Variants in HCN1 observed in about 807,000 individuals in gnomAD.
The protein encoded by HCN1 is potassium/sodium hyperpolarization-activated cyclic nucleotide-gated channel 1.
HCN1 carries 13 observed loss-of-function variants against 78.9 expected under a neutral mutation model. That is an observed-to-expected ratio of 0.16 (90% CI 0.11 to 0.26). The LOEUF is 0.26. Among genes scored for constraint, HCN1 ranks in the 10% least tolerant of loss-of-function variants. The probability of loss-of-function intolerance (pLI) is 1.00; values close to 1 mark genes in which losing one functional copy is unlikely to be tolerated. For missense variants in HCN1, 810 were observed against 1,154.3 expected (o/e 0.70, Z 4.32); for synonymous variants, 552 against 455.5 (o/e 1.21, Z -2.70).
intron 2 of HCN1, among the ~76,000 whole-genome samples, chr5:45,586,481 C>G (rs1404753571): frequency 6.6e-6 from 1 of 152,090 alleles, no homozygotes; most frequent in Non-Finnish European, 1.5e-5. Context: ...CCGGGTGAGG[C>G]GATGCCTCAC....
intron 2 of HCN1, among the ~76,000 whole-genome samples, chr5:45,586,553 C>T (rs1744232219): frequency 1.3e-5 from 2 of 152,108 alleles, no homozygotes; most frequent in Admixed American, 1.3e-4. Context: ...TCTGACACTC[C>T]CCAGTAAGAT....
chr5:45,345,257 C>T (rs562281441), intron 5 of HCN1, among the ~76,000 whole-genome samples: 1 of 152,292 alleles, frequency 6.6e-6, no homozygotes, highest in East Asian at 1.9e-4. Flanking sequence ...GGGCCCAGCT[C>T]ATGAAACTAT....
At position 45,538,771 on chromosome 5, in the gene HCN1, A is replaced by T. The variant is rs144955802; in HGVS notation, c.850-76764T>A. Among the ~76,000 whole-genome samples, 733 of 152,128 alleles carry T rather than the reference A, an allele frequency of 4.8e-3. 7 individuals carry two copies. The highest frequency in any genetic ancestry group is 0.017 in the African/African-American group (707 of 41,500). On this transcript the variant is annotated intron_variant, in intron 2 of 7. Transcript: ENST00000303230. ...ATAGAAAACACACACACACAAATTT[A>T]AAAAAAAGATTTCTTGTAGCAAGTG...
chr5:45,510,726 A>T (rs1742397834), intron 2 of HCN1, among the ~76,000 whole-genome samples: 2 of 152,132 alleles, frequency 1.3e-5, no homozygotes, highest in Admixed American at 1.3e-4. Flanking sequence ...TTCTGCCATC[A>T]TGTCCACATT....
At chr5:45,367,776 G>T (rs547951402) in intron 4 of HCN1, among the ~76,000 whole-genome samples, 2 of 151,804 alleles carry the variant, frequency 1.3e-5, no homozygotes, top group South Asian at 4.1e-4. Flanking sequence ...ATTAAAATTA[G>T]AACCATTCAT....
At chr5:45,579,084 ATC>A (rs1229767065) in intron 2 of HCN1, among the ~76,000 whole-genome samples, 1 of 152,102 alleles carries the variant, frequency 6.6e-6, no homozygotes, top group African/African-American at 2.4e-5. Flanking sequence ...ACATATAAGT[ATC>A]TGTTTATAAA....
At chr5:45,688,982 G>T (rs575608620) in intron 1 of HCN1, among the ~76,000 whole-genome samples, 1 of 152,020 alleles carries the variant, frequency 6.6e-6, no homozygotes, top group South Asian at 2.1e-4. Context: ...AAGGCTGAGC[G>T]GGAGGGCGGG....
chr5:45,450,587 C>T (rs1368562185), intron 3 of HCN1, among the ~76,000 whole-genome samples: 1 of 151,894 alleles, frequency 6.6e-6, no homozygotes, highest in Admixed American at 6.6e-5. Flanking sequence ...GAACAGATAC[C>T]ACAAAACTGC....
chr5:45,371,950 A>G (rs1206673854), intron 4 of HCN1, among the ~76,000 whole-genome samples: 1 of 99,024 alleles, frequency 1.0e-5, no homozygotes, highest in Non-Finnish European at 1.9e-5. Context: ...AATATATAAT[A>G]TAATATAATT....
At chr5:45,417,451 ATG>A (rs1221714292) in intron 3 of HCN1, among the ~76,000 whole-genome samples, 1 of 151,954 alleles carries the variant, frequency 6.6e-6, no homozygotes, top group African/African-American at 2.4e-5. Flanking sequence ...TGACCTTTAA[ATG>A]CTGTTTTGTC....
chr5:45,393,634 T>TA (rs1416163391), intron 4 of HCN1, among the ~76,000 whole-genome samples: 1 of 152,286 alleles, frequency 6.6e-6, no homozygotes, highest in African/African-American at 2.4e-5. Context: ...ACATTTACAC[T>TA]AAAAAACACT....
intron 3 of HCN1, among the ~76,000 whole-genome samples, chr5:45,450,432 A>T (rs1357079069): frequency 2.6e-5 from 4 of 152,194 alleles, no homozygotes; most frequent in Non-Finnish European, 5.9e-5. Context: ...TGAGTTTTAT[A>T]GATAATTTGA....
chr5:45,490,621 T>C (rs1391248130), intron 2 of HCN1, among the ~76,000 whole-genome samples: 1 of 152,168 alleles, frequency 6.6e-6, no homozygotes, highest in African/African-American at 2.4e-5. Flanking sequence ...TCATAAATAT[T>C]AAAGTGTTTG....
chr5:45,621,913 G>C (rs1745069599), intron 2 of HCN1, among the ~76,000 whole-genome samples: 1 of 152,172 alleles, frequency 6.6e-6, no homozygotes, highest in Non-Finnish European at 1.5e-5. Flanking sequence ...ATCATTTAGT[G>C]AAATCCACTA....
intron 5 of HCN1, among the ~76,000 whole-genome samples, chr5:45,323,714 C>A (rs999244768): frequency 6.6e-6 from 1 of 151,926 alleles, no homozygotes; most frequent in Admixed American, 6.6e-5. Context: ...ATCCCTCCCC[C>A]ATCCCCCAAC....
intron 2 of HCN1, chr5:45,617,295 C>G (rs1386262249): frequency 6.6e-6 from 1 of 152,000 alleles, no homozygotes; most frequent in Non-Finnish European, 1.5e-5. Context: ...ACTAGTATCT[C>G]AGGTTTTTAA....
intron 6 of HCN1, among the ~76,000 whole-genome samples, chr5:45,290,327 C>T (rs1336589221): frequency 1.3e-5 from 2 of 152,020 alleles, no homozygotes; most frequent in African/African-American, 4.8e-5. Context: ...TAATCCTATT[C>T]ATCAGGGTTC....
intron 5 of HCN1, among the ~76,000 whole-genome samples, chr5:45,348,698 CA>C (rs577859699): frequency 6.0e-5 from 9 of 150,920 alleles, no homozygotes; most frequent in South Asian, 2.1e-4. Flanking sequence ...AAATGGAAAA[CA>C]AAAAAAAGGC....
intron 4 of HCN1, among the ~76,000 whole-genome samples, chr5:45,372,977 A>G (rs1306874006): frequency 1.4e-5 from 2 of 140,584 alleles, no homozygotes; most frequent in East Asian, 2.1e-4. Flanking sequence ...ATATAAAATA[A>G]ATAAAAAATA....
Sources: gnomAD v4.1 joint callset for allele counts (sites outside exome capture counted in the v4.1 genomes callset) on GRCh38, gnomAD v4.1.1 for gene constraint, MANE v1.5 for transcripts, NCBI Gene and HGNC (gene_info 2026-07-23, HGNC 2026-07-21) for gene names.